The following INPP5A variants were observed in gnomAD, a reference collection of about 807,000 sequenced individuals.
INPP5A encodes inositol polyphosphate-5-phosphatase A.
In INPP5A, 14 loss-of-function variants were observed where a neutral mutation model predicts 65.2. The ratio of observed to expected loss-of-function variants is 0.21; its 90% CI spans 0.14 to 0.34. The LOEUF is 0.34. Among genes scored for constraint, INPP5A ranks in the 10% least tolerant of loss-of-function variants. INPP5A has a pLI of 1.00. For synonymous variants in INPP5A, 207 were observed against 208.3 expected, an observed-to-expected ratio of 0.99 and a Z score of 0.05; for missense variants, 431 against 545.6, an observed-to-expected ratio of 0.79 and a Z score of 2.09.
At chr10:132,750,043 G>T (rs1250413650) in intron 11 of INPP5A, among the ~76,000 whole-genome samples, 198 bp downstream of exon 11, 1 of 152,238 alleles carries the variant, frequency 6.6e-6, no homozygotes, top group Non-Finnish European at 1.5e-5. Flanking sequence ...TTGGGTGGAG[G>T]CTCCGTATCA....
intron 2 of INPP5A, among the ~76,000 whole-genome samples, chr10:132,626,475 G>A (rs2072185290): frequency 1.3e-5 from 2 of 152,228 alleles, no homozygotes; most frequent in South Asian, 4.1e-4. Flanking sequence ...CACTCCATGT[G>A]TCTCTCACAG....
At chr10:132,646,036 T>C (rs2072489496) in intron 3 of INPP5A, 68 bp downstream of exon 3, 5 of 992,598 alleles carry the variant, frequency 5.0e-6, no homozygotes, top group Non-Finnish European at 6.3e-6. Context: ...CGGGGGTCTT[T>C]TCATGGTACT....
In INPP5A at chr10:132,727,538, C is replaced by G. The variant is rs546337898; in HGVS notation, c.732+633C>G. 6.6e-6 allele frequency among the ~76,000 whole-genome samples: 1 copy of G among 151,904 alleles called. No individual in the cohort carries two copies. Among genetic ancestry groups the G allele is most frequent in the Non-Finnish European group, 1.5e-5 (1 of 67,968 alleles). ...GGGCCTCTAGGCTCAGTGCAAGGGC[C>G]GATGTTTCTCTGTGGTCCAGTCCAC... On this transcript the variant is annotated intron_variant, in intron 9 of 15. Transcript: ENST00000368594. This position sits in a 1 kb window ranked among gnomAD's most constrained non-coding sequence, Gnocchi z 6.5.
At position 132,697,040 on chromosome 10, in the gene INPP5A, G is replaced by A. The variant is rs534571406; in HGVS notation, c.371-776G>A. ...GGGACACAACACACTGCTCCAAAGCGGTCTCCAGGAACCTCGTTGACACCC... is the reference window on the plus strand; with the variant it reads ...GGGACACAACACACTGCTCCAAAGCAGTCTCCAGGAACCTCGTTGACACCC... On this transcript the variant is annotated intron_variant, in intron 5 of 15. Coordinates refer to ENST00000368594, the MANE Select transcript of INPP5A (RefSeq NM_005539.5). This position sits in a 1 kb window ranked among gnomAD's most constrained non-coding sequence, Gnocchi z 5.6. Among the ~76,000 whole-genome samples, 9 of 152,320 alleles carry A rather than the reference G, an allele frequency of 5.9e-5. No homozygotes were observed. The highest frequency in any genetic ancestry group is 2.6e-4 in the Admixed American group (4 of 15,304).
chr10:132,605,936 C>T (rs1047070136), intron 1 of INPP5A, among the ~76,000 whole-genome samples: 1 of 152,198 alleles, frequency 6.6e-6, no homozygotes, highest in Non-Finnish European at 1.5e-5. Context: ...TTAGGACTGT[C>T]TGGGCTTATT....
At chr10:132,592,703 G>A (rs1004544487) in intron 1 of INPP5A, among the ~76,000 whole-genome samples, 2 of 152,330 alleles carry the variant, frequency 1.3e-5, no homozygotes, top group East Asian at 1.9e-4. Context: ...CACCGTGTCC[G>A]GCCAAAAATG....
chr10:132,565,048 T>G (rs2071255945), intron 1 of INPP5A, among the ~76,000 whole-genome samples: 1 of 152,250 alleles, frequency 6.6e-6, no homozygotes, highest in Non-Finnish European at 1.5e-5. Context: ...GGAATGTCCC[T>G]GCGTATTTTA....
chr10:132,756,198 T>C (rs550393241), intron 11 of INPP5A, among the ~76,000 whole-genome samples: 1 of 152,314 alleles, frequency 6.6e-6, no homozygotes, highest in East Asian at 1.9e-4. Flanking sequence ...CACATATGTG[T>C]GTGCGTGTAC....
intron 3 of INPP5A, among the ~76,000 whole-genome samples, chr10:132,648,254 C>G (rs2072525374): frequency 6.6e-6 from 1 of 152,282 alleles, no homozygotes; most frequent in African/African-American, 2.4e-5. Context: ...ACACCGCAGG[C>G]CGGACGGGAA....
At chr10:132,635,764 A>C (rs1253471477) in intron 2 of INPP5A, among the ~76,000 whole-genome samples, 3 of 151,692 alleles carry the variant, frequency 2.0e-5, no homozygotes, top group Admixed American at 2.0e-4. Flanking sequence ...CAGGAGTTTG[A>C]GACCAGCCTG....
chr10:132,605,778 G>T (rs930387102), intron 1 of INPP5A, among the ~76,000 whole-genome samples: 10 of 152,158 alleles, frequency 6.6e-5, no homozygotes, highest in Admixed American at 4.6e-4. Context: ...TGAGGGCCTT[G>T]TCTTTTTTTC....
intron 8 of INPP5A, among the ~76,000 whole-genome samples, chr10:132,712,543 C>G (rs935255975): frequency 6.8e-5 from 10 of 146,038 alleles, no homozygotes; most frequent in Non-Finnish European, 1.5e-4. Flanking sequence ...TGTGTGCACA[C>G]GTGGACACAT....
chr10:132,572,895 A>T (rs2071363824), intron 1 of INPP5A, among the ~76,000 whole-genome samples: 2 of 152,148 alleles, frequency 1.3e-5, no homozygotes, highest in African/African-American at 4.8e-5. Flanking sequence ...GTTTAAAGAA[A>T]CATCAGCTCG....
intron 1 of INPP5A, among the ~76,000 whole-genome samples, chr10:132,596,768 CATGT>C (rs1325445479): frequency 1.1e-4 from 16 of 151,888 alleles, no homozygotes; most frequent in African/African-American, 3.4e-4. Flanking sequence ...TGTATGCATG[CATGT>C]GTGTTTGTGT....
chr10:132,737,737 T>G (rs575075402), intron 9 of INPP5A, among the ~76,000 whole-genome samples: 1 of 152,380 alleles, frequency 6.6e-6, no homozygotes, highest in East Asian at 1.9e-4. Context: ...AGAGTCTTGG[T>G]GTAAAATAGC....
At chr10:132,774,358 C>T (rs1001291598) in intron 12 of INPP5A, among the ~76,000 whole-genome samples, 8 of 152,208 alleles carry the variant, frequency 5.3e-5, no homozygotes, top group Non-Finnish European at 7.3e-5. Flanking sequence ...ACAAGAGCGG[C>T]GTGGTAATTG....
chr10:132,596,604 A>G (rs887061373), intron 1 of INPP5A, among the ~76,000 whole-genome samples: 1 of 151,680 alleles, frequency 6.6e-6, no homozygotes, highest in African/African-American at 2.4e-5. Flanking sequence ...ATTTTTTTGT[A>G]TTTTTAGTAG....
At chr10:132,552,441 A>G (rs868425106) in intron 1 of INPP5A, among the ~76,000 whole-genome samples, 171 of 110,214 alleles carry the variant, frequency 1.6e-3, no homozygotes, top group Middle Eastern at 9.1e-3. Flanking sequence ...TGGCATATTG[A>G]GTAGGATAGG....
In INPP5A at chr10:132,704,695, C is replaced by T. The variant is rs1845505105; in HGVS notation, c.475-3618C>T. On this transcript the variant is annotated intron_variant, in intron 6 of 15. Coordinates refer to ENST00000368594, the MANE Select transcript of INPP5A (RefSeq NM_005539.5). The surrounding 1 kb of genome is among the most constrained non-coding windows in gnomAD (Gnocchi z 4.5). ...GGGGGCAGTGGCTGTTCCAGGTGGG[C>T]CGTCTCCCCGGAAAGTGCAGGCTGG... Among the ~76,000 whole-genome samples the T allele has an allele frequency of 6.6e-6, 1 of 152,176 alleles. No homozygotes were observed. The highest frequency in any genetic ancestry group is 2.1e-4 in the South Asian group (1 of 4,834).
Sources: allele counts gnomAD v4.1 joint callset (sites outside exome capture counted in the v4.1 genomes callset), GRCh38; gene constraint gnomAD v4.1.1; non-coding constraint Gnocchi (gnomAD v3.1); transcripts MANE v1.5; gene names NCBI Gene and HGNC (gene_info 2026-07-23, HGNC 2026-07-21).